The following PERP variants were observed in gnomAD, a reference collection of about 807,000 sequenced individuals.
The protein encoded by PERP is p53 apoptosis effector related to PMP22, also known as p53 apoptosis effector related to PMP-22.
Under a neutral mutation model 20.3 loss-of-function variants are expected in PERP, and 11 were observed. The ratio of observed to expected loss-of-function variants is 0.54; its 90% CI spans 0.34 to 0.90. PERP has a LOEUF of 0.90. Ranked by LOEUF, PERP falls within the 40% of genes least tolerant of loss-of-function variation. The probability of loss-of-function intolerance (pLI) is 0.02; values close to 1 mark genes in which losing one functional copy is unlikely to be tolerated. For synonymous variants in PERP, 101 were observed against 102.0 expected (o/e 0.99, Z 0.06); for missense variants, 224 against 249.4 (o/e 0.90, Z 0.69).
At chr6:138,104,704 A>G (rs561934092) in intron 1 of PERP, among the ~76,000 whole-genome samples, 5 of 152,256 alleles carry the variant, frequency 3.3e-5, no homozygotes, top group African/African-American at 4.8e-5. Context: ...AAGTGGATGT[A>G]CACACTCAAT....
Position 138,088,550 on chromosome 6 carries a change from G to T in PERP, c.*3492C>A, listed in dbSNP as rs1408742680. On this transcript the variant is annotated 3_prime_UTR_variant, in exon 3 of 3. Coordinates refer to ENST00000421351, the MANE Select transcript of PERP (RefSeq NM_022121.5). ...TTTGCAGCCAACAAAGTATGTTTTC[G>T]AGGTTAACAACGAAGCACAGGATAG... 1 of 152,130 alleles carries T rather than the reference G, an allele frequency of 6.6e-6. No individual in the cohort carries two copies. The highest frequency in any genetic ancestry group is 2.4e-5 in the African/African-American group (1 of 41,414). 9.4% of individuals were successfully genotyped at this position (152,130 alleles called of 1,614,324 possible).
In PERP at chr6:138,096,634, T is replaced by C. The variant is rs1562324103; in HGVS notation, c.215-140A>G. 3.4e-6 allele frequency: 3 copies of C among 883,522 alleles called. No individual in the cohort carries two copies. The South Asian group carries it at 6.5e-5, about 19-fold the overall frequency. 54.7% of individuals were successfully genotyped at this position (883,522 alleles called of 1,614,324 possible). ...GGAGGGACAGTTTTTCTTTTGACAATACTTGAGCATCTCCATATTTTAAGG... is the reference window on the plus strand; with the variant it reads ...GGAGGGACAGTTTTTCTTTTGACAACACTTGAGCATCTCCATATTTTAAGG... On this transcript the variant is annotated intron_variant, in intron 1 of 2. Coordinates refer to ENST00000421351, the MANE Select transcript of PERP (RefSeq NM_022121.5).
At chr6:138,103,242 C>T (rs928553765) in intron 1 of PERP, among the ~76,000 whole-genome samples, 1 of 151,790 alleles carries the variant, frequency 6.6e-6, no homozygotes, top group South Asian at 2.1e-4. Flanking sequence ...CTCCGCCTCC[C>T]GGGTTCAAGC....
chr6:138,106,591 G>A (rs972384959), intron 1 of PERP, among the ~76,000 whole-genome samples: 2 of 152,194 alleles, frequency 1.3e-5, no homozygotes, highest in African/African-American at 4.8e-5. Context: ...TAGCCTGACC[G>A]GTAAAGTAGA....
chr6:138,100,359 T>C (rs1430681653), intron 1 of PERP, among the ~76,000 whole-genome samples: 1 of 152,188 alleles, frequency 6.6e-6, no homozygotes, highest in African/African-American at 2.4e-5. Flanking sequence ...TTTTATATTA[T>C]ATCATGGTCT....
At position 138,096,385 on chromosome 6, in the gene PERP, C is replaced by T; in HGVS notation, c.324G>A (p.Leu108=). The T allele has an allele frequency of 6.2e-7, 1 of 1,614,076 alleles. No individual in the cohort carries two copies. Among genetic ancestry groups the T allele is most frequent in the Non-Finnish European group, 8.5e-7 (1 of 1,179,992 alleles). The stretch of plus-strand genomic sequence containing the variant: ...AGGCAAGGAGACCTCCAATCACTCT[C>T]AGGAAGACAAGCATCTGGGGTCCAC... ...ALCGPQMLVF[L]RVIGGLLALA... is the part of the protein sequence containing the mutation. The change falls in exon 2 of 3, where the codon CTG becomes CTA. Residue 108 remains leucine, a synonymous_variant. Transcript: ENST00000421351.
chr6:138,103,197 T>G (rs2114343857), intron 1 of PERP, among the ~76,000 whole-genome samples: 1 of 152,118 alleles, frequency 6.6e-6, no homozygotes, highest in East Asian at 1.9e-4. Context: ...TCACCCAGGC[T>G]GGAGTGTAGT....
intron 1 of PERP, among the ~76,000 whole-genome samples, chr6:138,098,437 T>G (rs1010704866): frequency 7.2e-5 from 11 of 152,208 alleles, no homozygotes; most frequent in African/African-American, 2.7e-4. Context: ...AAACACCTAT[T>G]CCAAGATGAT....
rs763592710 is a variant in PERP, at chr6:138,092,133, A to G, written c.491T>C (p.Ile164Thr). 6.2e-6 allele frequency: 10 copies of G among 1,614,020 alleles called. No homozygotes were observed. The highest frequency in any genetic ancestry group is 1.3e-5 in the African/African-American group (1 of 74,926). The change falls in exon 3 of 3, where the codon ATT becomes ACT. Residue 164 changes from isoleucine (I) to threonine (T), a missense_variant. By Grantham distance (89) the Ile-to-Thr change is moderately conservative (BLOSUM62 -1). Coordinates refer to ENST00000421351, the MANE Select transcript of PERP (RefSeq NM_022121.5). ...GCAGCAGAAGAAGAAGGCACAGCCA[A>G]TCAGGATAATCGTGGCTGCCCACCC... ...GFGWAATIIL[I>T]GCAFFFCCLP...
chr6:138,092,240 A>G lies in PERP; in HGVS notation c.384T>C (p.Ile128=), dbSNP rs1775599189. The G allele has an allele frequency of 6.2e-7, 1 of 1,613,930 alleles. No homozygotes were observed. The highest frequency in any genetic ancestry group is 8.5e-7 in the Non-Finnish European group (1 of 1,179,922). The part of the protein sequence containing the change: ...AAVFQIISLV[I]YPVKYTQTFT... ...AGGTCTGGGTGTACTTCACGGGGTA[A>G]ATTACCAGGGAGATGATCTGGAACA... The change falls in exon 3 of 3, where the codon ATT becomes ATC. Residue 128 remains isoleucine, a synonymous_variant. Coordinates refer to ENST00000421351, the MANE Select transcript of PERP (RefSeq NM_022121.5).
intron 2 of PERP, among the ~76,000 whole-genome samples, chr6:138,095,350 T>C (rs111617463): frequency 0.011 from 1,638 of 152,278 alleles, 30 homozygotes; most frequent in African/African-American, 0.037. Context: ...GAGGCACTCC[T>C]CCTGCCTCGC....
Position 138,089,737 on chromosome 6 carries a change from G to C in PERP, c.*2305C>G, listed in dbSNP as rs1276716490. ...GAATCTGGATCAACAAGGAATGGCA[G>C]ATCTCTATACTAGAACAAGGCTGAA... On this transcript the variant is annotated 3_prime_UTR_variant, in exon 3 of 3. Coordinates refer to ENST00000421351, the MANE Select transcript of PERP (RefSeq NM_022121.5). 1 of 152,148 alleles carries C rather than the reference G, an allele frequency of 6.6e-6. No homozygotes were observed. The highest frequency in any genetic ancestry group is 1.9e-4 in the East Asian group (1 of 5,192). The allele number at this position is 152,148 out of a possible 1,614,324, so 9.4% of individuals were successfully genotyped here. A position where few individuals can be genotyped will look rare whatever the true frequency, so the allele number is the denominator to read the frequency against.
At chr6:138,101,101 G>A (rs978424501) in intron 1 of PERP, among the ~76,000 whole-genome samples, 3 of 152,162 alleles carry the variant, frequency 2.0e-5, no homozygotes, top group Admixed American at 6.5e-5. Context: ...GGCCAGCCGC[G>A]GTGGCTCAAG....
In PERP at chr6:138,091,169, T is replaced by A. The variant is rs1292315593; in HGVS notation, c.*873A>T. On this transcript the variant is annotated 3_prime_UTR_variant, in exon 3 of 3. Transcript: ENST00000421351. ...CCTGAGGCTGTTTTAGTGGCACTTT[T>A]GTGACAAGAATGACCCTCCTAATGC... 6.6e-6 allele frequency: 1 copy of A among 151,222 alleles called. No individual in the cohort carries two copies. The highest frequency in any genetic ancestry group is 1.5e-5 in the Non-Finnish European group (1 of 67,714). The allele number at this position is 151,222 out of a possible 1,614,324, so 9.4% of individuals were successfully genotyped here. A position where few individuals can be genotyped will look rare whatever the true frequency, so the allele number is the denominator to read the frequency against.
chr6:138,092,341 A>G, intron 2 of PERP, 73 bp from the exon 3 acceptor site: 1 of 1,269,002 alleles, frequency 7.9e-7, no homozygotes, highest in Non-Finnish European at 1.1e-6. Context: ...TTAGCGACAG[A>G]TTACCTCCTT....
chr6:138,095,307 G>C (rs990978153), intron 2 of PERP, among the ~76,000 whole-genome samples: 1 of 152,134 alleles, frequency 6.6e-6, no homozygotes, highest in Non-Finnish European at 1.5e-5. Context: ...CCGTGAAGAA[G>C]GCCAGGACTG....
chr6:138,095,143 A>G (rs988544610), intron 2 of PERP, among the ~76,000 whole-genome samples: 2 of 152,240 alleles, frequency 1.3e-5, no homozygotes, highest in African/African-American at 4.8e-5. Context: ...CTACAAAAAT[A>G]ATCAAGTAGA....
rs1312530572 is a variant in PERP, at chr6:138,092,211, G to A, written c.413C>T (p.Thr138Ile). Residue 138 changes from threonine to isoleucine, a missense_variant, in exon 3 of 3, where the codon ACC (threonine) becomes ATC (isoleucine). By Grantham distance (89) the Thr-to-Ile change is moderately conservative (BLOSUM62 -1). Coordinates refer to ENST00000421351, the MANE Select transcript of PERP (RefSeq NM_022121.5). ...IYPVKYTQTF[T>I]LHANPAVTYI... ...AGTGACAGCAGGGTTGGCATGAAGG[G>A]TGAAGGTCTGGGTGTACTTCACGGG... The A allele has an allele frequency of 5.6e-6, 9 of 1,614,042 alleles. No individual in the cohort carries two copies. Among genetic ancestry groups the A allele is most frequent in the Non-Finnish European group, 7.6e-6 (9 of 1,179,990 alleles).
At chr6:138,093,267 G>A (rs1775618797) in intron 2 of PERP, among the ~76,000 whole-genome samples, 1 of 152,168 alleles carries the variant, frequency 6.6e-6, no homozygotes, top group Non-Finnish European at 1.5e-5. Flanking sequence ...CCAAGTAGCT[G>A]TGCCCTCCAG....
Sources: allele counts gnomAD v4.1 joint callset (sites outside exome capture counted in the v4.1 genomes callset), GRCh38; gene constraint gnomAD v4.1.1; transcripts MANE v1.5; gene names NCBI Gene and HGNC (gene_info 2026-07-23, HGNC 2026-07-21).